NRDC: variants seen among roughly 807,000 people sequenced by gnomAD.
The protein encoded by NRDC is nardilysin convertase.
A neutral mutation model predicts 147.1 loss-of-function variants in NRDC; 54 were observed. The observed-to-expected ratio is 0.37, with a 90% CI of 0.29 to 0.46. The LOEUF (loss-of-function observed/expected upper bound fraction) is 0.46, where lower values mean the gene tolerates loss of function less well. Ranked by LOEUF, NRDC falls within the 20% of genes least tolerant of loss-of-function variation. The pLI, the probability that NRDC is intolerant of heterozygous loss-of-function variation, is 1.00. For synonymous variants in NRDC, 440 were observed against 482.1 expected, an observed-to-expected ratio of 0.91 and a Z score of 1.14; for missense variants, 1,082 against 1,370.6, an observed-to-expected ratio of 0.79 and a Z score of 3.33.
rs1571910701 is a variant in NRDC at position 51,856,209 on chromosome 1, G to A, written c.342-15695C>T. ...TCATTTCTAGGAAAAACTCTCAAAC[G>A]GTTTTTCTTTTTCTCTCATACTACT... On this transcript the variant is annotated intron_variant, in intron 1 of 30. Transcript: ENST00000352171. 2.0e-5 allele frequency among the ~76,000 whole-genome samples: 3 copies of A among 152,108 alleles called. No individual in the cohort carries two copies. In the South Asian group the frequency reaches 6.2e-4, roughly 32 times the overall value.
chr1:51,827,505 AT>A (rs1255806386), intron 5 of NRDC, among the ~76,000 whole-genome samples: 1 of 152,222 alleles, frequency 6.6e-6, no homozygotes, highest in Non-Finnish European at 1.5e-5. Flanking sequence ...ATATAAGCAC[AT>A]TCTTTTCCTT....
At chr1:51,800,880 AC>A in intron 20 of NRDC, 197 bp from the exon 21 acceptor site, 1 of 561,740 alleles carries the variant, frequency 1.8e-6, no homozygotes, top group East Asian at 3.1e-5. Context: ...ATCACTGGTC[AC>A]CCAGGCTGGA....
intron 10 of NRDC, among the ~76,000 whole-genome samples, chr1:51,817,420 T>C (rs529169474): frequency 1.3e-5 from 2 of 152,124 alleles, no homozygotes. Flanking sequence ...TGGCCCATGC[T>C]ACACTGCTCA....
chr1:51,855,261 AGC>A (rs1682176999), intron 1 of NRDC, among the ~76,000 whole-genome samples: 1 of 152,226 alleles, frequency 6.6e-6, no homozygotes, highest in Non-Finnish European at 1.5e-5. Flanking sequence ...TTTAAGCATT[AGC>A]TACCTGGTCC....
At chr1:51,833,953 C>T in intron 4 of NRDC, 64 bp downstream of exon 4, 2 of 1,397,768 alleles carry the variant, frequency 1.4e-6, no homozygotes, top group African/African-American at 1.4e-5. Context: ...TACAAGAACA[C>T]TCTATTTACA....
intron 4 of NRDC, among the ~76,000 whole-genome samples, chr1:51,833,398 C>G (rs1680804680): frequency 6.7e-6 from 1 of 149,576 alleles, no homozygotes; most frequent in Non-Finnish European, 1.5e-5. Flanking sequence ...CCAATTGCAC[C>G]ACAGCACTCC....
intron 22 of NRDC, chr1:51,795,239 A>C: frequency 7.8e-7 from 1 of 1,287,234 alleles, no homozygotes; most frequent in South Asian, 1.2e-5. Context: ...AACATTTAAT[A>C]CTGAGTGAAT....
At position 51,818,101 on chromosome 1, in the gene NRDC, G is replaced by C; in HGVS notation, c.1326C>G (p.Ile442Met). The C allele has an allele frequency of 6.2e-7, 1 of 1,606,420 alleles. No homozygotes were observed. The highest frequency in any genetic ancestry group is 8.5e-7 in the Non-Finnish European group (1 of 1,177,924). The stretch of plus-strand genomic sequence containing the variant: ...GCTGTTGAGGAGGAAGTGCCCATGT[G>C]ATGGTCAGAGCATGAATTTTTCTGA... ...VPIRKIHALT[I>M]TWALPPQQQH... The change falls in exon 10 of 31, where the codon ATC becomes ATG. Residue 442 changes from isoleucine (I) to methionine (M), a missense_variant. Ile to Met is a conservative substitution (Grantham distance 10, BLOSUM62 1). Transcript: ENST00000352171.
intron 1 of NRDC, among the ~76,000 whole-genome samples, chr1:51,862,840 T>C (rs1206094653): frequency 1.3e-5 from 2 of 149,184 alleles, no homozygotes; most frequent in African/African-American, 4.9e-5. Context: ...CAAAACCCTG[T>C]CTCTACTAAA....
In NRDC at chr1:51,790,527, T is replaced by C. The variant is rs746669771; in HGVS notation, c.3168+6A>G. On this transcript the variant is annotated splice_donor_region_variant and intron_variant, in intron 29 of 30. Transcript: ENST00000352171. ...TTGAGCTGTCTTACTCTGAAAACCA[T>C]GTTACCTCGTGGGCAAGGCGGTCAA... is the stretch of plus-strand genomic sequence containing the variant. 4.0e-5 allele frequency: 64 copies of C among 1,589,912 alleles called. 1 individual carries two copies. The East Asian group carries it at 1.4e-3, about 34-fold the overall frequency.
intron 4 of NRDC, among the ~76,000 whole-genome samples, chr1:51,829,573 C>A (rs1420189338): frequency 6.6e-6 from 1 of 152,206 alleles, no homozygotes; most frequent in Non-Finnish European, 1.5e-5. Context: ...TGTCTTACAA[C>A]AGGTTCTGAA....
chr1:51,793,697 C>T (rs1235628544), intron 24 of NRDC, among the ~76,000 whole-genome samples: 5 of 152,190 alleles, frequency 3.3e-5, no homozygotes, highest in Non-Finnish European at 5.9e-5. Flanking sequence ...AGTCAGGGAT[C>T]TTCACAAGAC....
chr1:51,855,889 GATAATA>G (rs1160349228), intron 1 of NRDC, among the ~76,000 whole-genome samples: 1 of 151,474 alleles, frequency 6.6e-6, no homozygotes, highest in Non-Finnish European at 1.5e-5. Flanking sequence ...AAATAATAAT[GATAATA>G]ATAATATATA....
intron 4 of NRDC, among the ~76,000 whole-genome samples, chr1:51,829,231 T>A (rs975705761): frequency 6.6e-6 from 1 of 152,148 alleles, no homozygotes; most frequent in African/African-American, 2.4e-5. Context: ...GCCCTGCTAA[T>A]TTTTTTCCCT....
In NRDC at chr1:51,816,408, G is replaced by T; in HGVS notation, c.1362-19C>A. The T allele has an allele frequency of 2.7e-6, 4 of 1,500,182 alleles. No individual in the cohort carries two copies. Among genetic ancestry groups the T allele is most frequent in the Non-Finnish European group, 2.7e-6 (3 of 1,110,302 alleles). The allele number at this position is 1,500,182 out of a possible 1,614,324, so 92.9% of individuals were successfully genotyped here. A position where few individuals can be genotyped will look rare whatever the true frequency, so the allele number is the denominator to read the frequency against. ...CTTCACCCTTTTAAAAAAATTTAAT[G>T]GTCAGAAGAAAAAAACAAAAGGTAT... is the stretch of plus-strand genomic sequence containing the variant. On this transcript the variant is annotated intron_variant, in intron 10 of 30. Coordinates refer to ENST00000352171, the MANE Select transcript of NRDC (RefSeq NM_001101662.2).
At position 51,840,494 on chromosome 1, in the gene NRDC, C is replaced by T. The variant is rs1681216034; in HGVS notation, c.362G>A (p.Gly121Asp). Reference sequence around the variant, plus strand: ...GTCTGAAATCAGAAGTGCCTGCAAGCCATTCTGTAATTTGATGTATCTGGG... The same window carrying T: ...GTCTGAAATCAGAAGTGCCTGCAAGTCATTCTGTAATTTGATGTATCTGGG... ...KQYRYIKLQN[G>D]LQALLISDLS... The change falls in exon 2 of 31, where the codon GGC (glycine) becomes GAC (aspartate). Residue 121 changes from glycine to aspartate, a missense_variant. Around this residue, in one of 3 missense-constraint regions of NRDC, gnomAD observed 260 missense variants for 253.2 expected, o/e 1.03. Coordinates refer to ENST00000352171, the MANE Select transcript of NRDC (RefSeq NM_001101662.2). The T allele has an allele frequency of 6.2e-7, 1 of 1,605,682 alleles. No homozygotes were observed. The highest frequency in any genetic ancestry group is 8.5e-7 in the Non-Finnish European group (1 of 1,176,968).
At chr1:51,851,596 ATTTT>A (rs1681953034) in intron 1 of NRDC, among the ~76,000 whole-genome samples, 1 of 151,810 alleles carries the variant, frequency 6.6e-6, no homozygotes, top group African/African-American at 2.4e-5. Context: ...TGGCCACAGT[ATTTT>A]TTAAGACTCC....
At chr1:51,829,949 A>C (rs1680627913) in intron 4 of NRDC, among the ~76,000 whole-genome samples, 1 of 150,770 alleles carries the variant, frequency 6.6e-6, no homozygotes, top group African/African-American at 2.5e-5. Flanking sequence ...AGTATATTCA[A>C]ATTTGTCTTT....
Position 51,834,782 on chromosome 1 carries a change from T to C in NRDC, c.713-612A>G, listed in dbSNP as rs998145662. Among the ~76,000 whole-genome samples the C allele has an allele frequency of 3.9e-5, 6 of 152,294 alleles. No individual in the cohort carries two copies. The South Asian group carries it at 8.3e-4, about 21-fold the overall frequency. ...AAGTCTAAATAGATTAAAATTCACCTTTTATTAATTAGATTAAAATTCAAA... is the reference window on the plus strand; with the variant it reads ...AAGTCTAAATAGATTAAAATTCACCCTTTATTAATTAGATTAAAATTCAAA... On this transcript the variant is annotated intron_variant, in intron 3 of 30. Transcript: ENST00000352171.
Sources: gnomAD v4.1 joint callset for allele counts (sites outside exome capture counted in the v4.1 genomes callset) on GRCh38, gnomAD v4.1.1 for gene constraint, gnomAD v4.1.1 regional missense constraint, MANE v1.5 for transcripts, NCBI Gene and HGNC (gene_info 2026-07-23, HGNC 2026-07-21) for gene names.